The following RP2 variants were observed in gnomAD, a reference collection of about 807,000 sequenced individuals.
The protein encoded by RP2 is RP2 activator of ARL3 GTPase.
RP2 carries 3 observed loss-of-function variants against 20.3 expected under a neutral mutation model. That is an observed-to-expected ratio of 0.15 (90% CI 0.07 to 0.38). The LOEUF is 0.38. RP2 is among the 10% of genes least tolerant of loss of function. The pLI, the probability that RP2 is intolerant of heterozygous loss-of-function variation, is 1.00. For synonymous variants in RP2, 75 were observed against 94.8 expected, an observed-to-expected ratio of 0.79 and a Z score of 1.22; for missense variants, 233 against 268.5, an observed-to-expected ratio of 0.87 and a Z score of 0.92.
intron 1 of RP2, among the ~76,000 whole-genome samples, chrX:46,843,708 TTTG>T (rs1225575563): frequency 1.8e-5 from 2 of 112,106 alleles, no homozygotes; most frequent in Admixed American, 1.9e-4. Context: ...ATAATTCTAT[TTTG>T]TTGTTATATA....
chrX:46,845,687 C>T (rs185740834), intron 1 of RP2, among the ~76,000 whole-genome samples: 4 of 111,748 alleles, frequency 3.6e-5, no homozygotes. Flanking sequence ...TGGAATCATA[C>T]AATACGTAAC....
chrX:46,869,733 C>A (rs1419885984), intron 3 of RP2, among the ~76,000 whole-genome samples: 1 of 103,851 alleles, frequency 9.6e-6, no homozygotes, highest in African/African-American at 3.6e-5. Flanking sequence ...CCTCAGCCTC[C>A]TGAGTAGCTG....
intron 2 of RP2, among the ~76,000 whole-genome samples, chrX:46,854,496 T>C (rs904738197): frequency 8.9e-5 from 10 of 112,057 alleles, no homozygotes; most frequent in Admixed American, 2.9e-4. Context: ...TTATCATATT[T>C]CACTGATGAT....
At position 46,837,075 on chromosome X, in the gene RP2, G is replaced by T. The variant is rs782652659; in HGVS notation, c.-26G>T. 62 of 1,159,924 alleles carry T rather than the reference G, an allele frequency of 5.3e-5. No individual in the cohort carries two copies. In the East Asian group the frequency reaches 2.0e-3, roughly 37 times the overall value. ...AGGAAGTGCCTGAGCTAGTGAGCTG[G>T]CCAACGAGCTCCGCGGGCTGGGACC... On this transcript the variant is annotated 5_prime_UTR_variant, in exon 1 of 5. Coordinates refer to ENST00000218340, the MANE Select transcript of RP2 (RefSeq NM_006915.3).
At chrX:46,838,558 CATTTTT>C (rs1231182866) in intron 1 of RP2, among the ~76,000 whole-genome samples, 1 of 112,794 alleles carries the variant, frequency 8.9e-6, no homozygotes, top group Non-Finnish European at 1.9e-5. Flanking sequence ...TTGCATATTT[CATTTTT>C]ATTTTAGTTT....
intron 1 of RP2, 25 bp downstream of exon 1, chrX:46,837,227 T>A: frequency 8.7e-7 from 1 of 1,152,650 alleles, no homozygotes; most frequent in African/African-American, 1.8e-5. Flanking sequence ...GTAGCCGCCG[T>A]CTCAGCCTCC....
chrX:46,869,498 T>C (rs1488041317), intron 3 of RP2, among the ~76,000 whole-genome samples: 1 of 105,435 alleles, frequency 9.5e-6, no homozygotes, highest in Non-Finnish European at 2.0e-5. Context: ...GGTTTCTCCA[T>C]GTTGGTCAGG....
chrX:46,871,189 T>C (rs1279507787), intron 3 of RP2, among the ~76,000 whole-genome samples: 5 of 108,837 alleles, frequency 4.6e-5, no homozygotes, highest in Non-Finnish European at 7.6e-5. Context: ...GCCCGGCTAA[T>C]ATTTGTATTT....
At chrX:46,863,334 G>C (rs1329191531) in intron 3 of RP2, among the ~76,000 whole-genome samples, 1 of 112,391 alleles carries the variant, frequency 8.9e-6, no homozygotes, top group East Asian at 2.8e-4. Context: ...AAAGCAAATG[G>C]GGACAAATGT....
At position 46,837,044 on chromosome X, in the gene RP2, C is replaced by T. The variant is rs1375294984; in HGVS notation, c.-57C>T. ...GCCGGGGTTCCCAGGGTTCACGCCA[C>T]ACTCTAGGAAGTGCCTGAGCTAGTG... On this transcript the variant is annotated 5_prime_UTR_variant, in exon 1 of 5. Transcript: ENST00000218340. 6 of 1,107,437 alleles carry T rather than the reference C, an allele frequency of 5.4e-6. No homozygotes were observed. The East Asian group carries it at 2.0e-4, about 36-fold the overall frequency. The allele number at this position is 1,107,437 out of a possible 1,213,427, so 91.3% of individuals were successfully genotyped here. A position where few individuals can be genotyped will look rare whatever the true frequency, so the allele number is the denominator to read the frequency against.
intron 1 of RP2, among the ~76,000 whole-genome samples, chrX:46,839,590 G>C (rs1285995502): frequency 9.0e-6 from 1 of 110,538 alleles, no homozygotes; most frequent in Non-Finnish European, 1.9e-5. Flanking sequence ...TTTTTTCCTA[G>C]TTCCTTGCCT....
chrX:46,867,954 A>G (rs782272848), intron 3 of RP2, among the ~76,000 whole-genome samples: 41 of 112,526 alleles, frequency 3.6e-4, no homozygotes, highest in Middle Eastern at 9.3e-3. Flanking sequence ...ATAGTGCTGC[A>G]GTGATCATGA....
chrX:46,877,666 T>C, intron 4 of RP2, 76 bp downstream of exon 4: 1 of 756,173 alleles, frequency 1.3e-6, no homozygotes, highest in East Asian at 3.2e-5. Context: ...AATAATACTT[T>C]AATACTTTTG....
intron 4 of RP2, among the ~76,000 whole-genome samples, 200 bp downstream of exon 4, chrX:46,877,790 A>AT (rs1183322260): frequency 1.8e-5 from 2 of 109,025 alleles, no homozygotes; most frequent in African/African-American, 6.7e-5. Flanking sequence ...CTAAGCTGTG[A>AT]TTTTTTTCTT....
chrX:46,845,025 G>T (rs1000131207), intron 1 of RP2, among the ~76,000 whole-genome samples: 1 of 111,803 alleles, frequency 8.9e-6, no homozygotes, highest in Non-Finnish European at 1.9e-5. Context: ...TTTTTTACTT[G>T]TATAAATTCC....
intron 1 of RP2, 56 bp downstream of exon 1, chrX:46,837,258 C>T: frequency 9.2e-7 from 1 of 1,085,342 alleles, no homozygotes; most frequent in Non-Finnish European, 1.3e-6. Flanking sequence ...CCGCCAGGTC[C>T]CTTACGGCCC....
intron 3 of RP2, among the ~76,000 whole-genome samples, chrX:46,871,170 C>T (rs782503500): frequency 1.7e-4 from 18 of 106,828 alleles, no homozygotes; most frequent in Non-Finnish European, 3.1e-4. Context: ...TACAGGTGCC[C>T]GCCACCACGC....
intron 3 of RP2, among the ~76,000 whole-genome samples, chrX:46,867,262 G>A (rs1556322920): frequency 9.0e-6 from 1 of 111,668 alleles, no homozygotes; most frequent in Non-Finnish European, 1.9e-5. Flanking sequence ...CACCACGCCC[G>A]ACTAATTTTT....
At position 46,847,717 on chromosome X, in the gene RP2, T is replaced by C. The variant is rs782124685; in HGVS notation, c.103-5759T>C. On this transcript the variant is annotated intron_variant, in intron 1 of 4. Coordinates refer to ENST00000218340, the MANE Select transcript of RP2 (RefSeq NM_006915.3). ...ATGTGTGTGTGTATATATACACACA[T>C]ATATGTGTGTGTGTATATACACACA... 1.5e-3 allele frequency among the ~76,000 whole-genome samples: 99 copies of C among 67,954 alleles called. 3 individuals are homozygous for C. The highest frequency in any genetic ancestry group is 8.7e-3 in the East Asian group (15 of 1,715). The allele number at this position is 67,954 out of a possible 115,157, so 59.0% of individuals were successfully genotyped here.
Sources: allele counts gnomAD v4.1 joint callset (sites outside exome capture counted in the v4.1 genomes callset), GRCh38; gene constraint gnomAD v4.1.1; transcripts MANE v1.5; gene names NCBI Gene and HGNC (gene_info 2026-07-23, HGNC 2026-07-21).